PKHD1L1: variants seen among roughly 807,000 people sequenced by gnomAD.
PKHD1L1 encodes the protein fibrocystin-L.
PKHD1L1 carries 434 observed loss-of-function variants against 462.9 expected under a neutral mutation model. That is an observed-to-expected ratio of 0.94 (90% CI 0.87 to 1.02). The LOEUF (loss-of-function observed/expected upper bound fraction) is 1.02. PKHD1L1 is among the 50% of genes least tolerant of loss of function. The probability of loss-of-function intolerance (pLI) is 0.00; values close to 1 mark genes in which losing one functional copy is unlikely to be tolerated. For missense variants in PKHD1L1, 5,202 were observed against 5,096.1 expected, an observed-to-expected ratio of 1.02 and a Z score of -0.63; for synonymous variants, 1,781 against 1,750.0, an observed-to-expected ratio of 1.02 and a Z score of -0.44.
chr8:109,412,267 A>G lies in PKHD1L1; in HGVS notation c.2088A>G (p.Glu696=). The G allele has an allele frequency of 6.2e-7, 1 of 1,612,658 alleles. No individual in the cohort carries two copies. The highest frequency in any genetic ancestry group is 8.5e-7 in the Non-Finnish European group (1 of 1,179,380). ...TTGAAATATTATTGTTTCGGTAGGA[A>G]CATATTAACAGAGGGCAGAAGACAG... ...FRDYETDFNL[E]HINRGQKTAE... Residue 696 remains glutamate, a splice_region_variant and synonymous_variant, in exon 20 of 78, where the codon GAA becomes GAG. Transcript: ENST00000378402.
chr8:109,417,772 G>A (rs143081120), intron 21 of PKHD1L1, among the ~76,000 whole-genome samples: 2,043 of 152,168 alleles, frequency 0.013, 41 homozygotes, highest in African/African-American at 0.039. Context: ...GGCTGGTCTC[G>A]AGCTCCTGAC....
rs1281815205 is a variant in PKHD1L1 at position 109,522,889 on chromosome 8, A to T, written c.12329A>T (p.Asp4110Val). The T allele has an allele frequency of 6.3e-7, 1 of 1,596,526 alleles. No homozygotes were observed. Among genetic ancestry groups the T allele is most frequent in the African/African-American group, 1.3e-5 (1 of 74,300 alleles). The change falls in exon 75 of 78, where the codon GAC (aspartate) becomes GTC (valine). Residue 4110 changes from aspartate to valine, a missense_variant and splice_region_variant. Physicochemically the swap from Asp to Val is radical, Grantham distance 152 (BLOSUM62 -3). Coordinates refer to ENST00000378402, the MANE Select transcript of PKHD1L1 (RefSeq NM_177531.6). ...QQPSVKATDS[D>V]GNCVSVGITA... Reference sequence around the variant, plus strand: ...CCTTCGGTAAAGGCAACAGATTCTGACGTAAGTCATAACTCAAAATTTTAC... The same window carrying T: ...CCTTCGGTAAAGGCAACAGATTCTGTCGTAAGTCATAACTCAAAATTTTAC...
In PKHD1L1 at chr8:109,362,663, T is replaced by A. The variant is rs1442580485; in HGVS notation, c.73+10T>A. The A allele has an allele frequency of 6.3e-7, 1 of 1,593,628 alleles. No homozygotes were observed. On this transcript the variant is annotated intron_variant, in intron 1 of 77. Coordinates refer to ENST00000378402, the MANE Select transcript of PKHD1L1 (RefSeq NM_177531.6). ...GCGGATCCCAGCACAGGTAACCCTT[T>A]GGGCACGCTAGGCAGGCAAGCAGGA... is the stretch of plus-strand genomic sequence containing the variant.
chr8:109,429,519 T>G, intron 26 of PKHD1L1, 57 bp downstream of exon 26: 1 of 1,501,196 alleles, frequency 6.7e-7, no homozygotes. Context: ...ATAACTAGTT[T>G]GTAATATGTT....
chr8:109,411,883 G>A (rs1813874984), intron 19 of PKHD1L1, among the ~76,000 whole-genome samples: 1 of 152,070 alleles, frequency 6.6e-6, no homozygotes, highest in Non-Finnish European at 1.5e-5. Context: ...TAGACGGGTG[G>A]CCTCTATCTA....
intron 11 of PKHD1L1, among the ~76,000 whole-genome samples, chr8:109,397,751 T>C (rs552619657): frequency 1.3e-5 from 2 of 152,240 alleles, no homozygotes; most frequent in South Asian, 4.2e-4. Flanking sequence ...TTCCAGGCTA[T>C]CAAACAAAAC....
At chr8:109,451,857 A>AC (rs1314789748) in intron 41 of PKHD1L1, among the ~76,000 whole-genome samples, 2 of 152,206 alleles carry the variant, frequency 1.3e-5, no homozygotes, top group African/African-American at 4.8e-5. Flanking sequence ...GAATCACTGA[A>AC]CAACAACAAT....
At chr8:109,444,145 T>G (rs1183052641) in intron 37 of PKHD1L1, among the ~76,000 whole-genome samples, 1 of 151,498 alleles carries the variant, frequency 6.6e-6, no homozygotes, top group Non-Finnish European at 1.5e-5. Flanking sequence ...CTAAAGCCCT[T>G]AGATATCACA....
rs972556460 is a variant in PKHD1L1 at position 109,517,728 on chromosome 8, G to A, written c.11690-439G>A. ...TTAGTTAAAATAGAAACACTGAATT[G>A]TAAATGCTCTTTTAAGAGTTGGCAT... On this transcript the variant is annotated intron_variant, in intron 72 of 77. Transcript: ENST00000378402. Among the ~76,000 whole-genome samples, 41 of 152,234 alleles carry A rather than the reference G, an allele frequency of 2.7e-4. 1 individual carries two copies. The highest frequency in any genetic ancestry group is 9.9e-4 in the African/African-American group (41 of 41,562).
rs753713166 is a variant in PKHD1L1 at position 109,444,884 on chromosome 8, C to T, written c.5015C>T (p.Thr1672Ile). ...GTGTTGCCAAATGCAGGATCAACTA[C>T]AGGAATGACAAGCGTGACCATAAAA... ...DLVLPNAGST[T>I]GMTSVTIKGS... Residue 1672 changes from threonine to isoleucine, a missense_variant, in exon 38 of 78, where the codon ACA becomes ATA. Physicochemically the swap from Thr to Ile is moderately conservative, Grantham distance 89 (BLOSUM62 -1). Around this residue, in one of 3 missense-constraint regions of PKHD1L1, gnomAD observed 4,497 missense variants for 4,336.8 expected, o/e 1.04. Coordinates refer to ENST00000378402, the MANE Select transcript of PKHD1L1 (RefSeq NM_177531.6). 4 of 1,613,894 alleles carry T rather than the reference C, an allele frequency of 2.5e-6. No homozygotes were observed. The highest frequency in any genetic ancestry group is 2.2e-5 in the East Asian group (1 of 44,890).
chr8:109,429,379 A>G lies in PKHD1L1; in HGVS notation c.3040A>G (p.Thr1014Ala), dbSNP rs749522658. ...SNIIGEKANM[T>A]VTRIKEGGLF... is the part of the protein sequence containing the mutation. Reference sequence around the variant, plus strand: ...CATTATTGGAGAAAAGGCTAATATGACAGTTACAAGGATAAAGGAAGGTGG... The same window carrying G: ...CATTATTGGAGAAAAGGCTAATATGGCAGTTACAAGGATAAAGGAAGGTGG... Residue 1014 changes from threonine (T) to alanine (A), a missense_variant, in exon 26 of 78, where the codon ACA (threonine) becomes GCA (alanine). This residue lies in a region of PKHD1L1 where 4,497 missense variants were observed against 4,336.8 expected (regional missense o/e 1.04). Transcript: ENST00000378402. 4 of 1,561,920 alleles carry G rather than the reference A, an allele frequency of 2.6e-6. No homozygotes were observed. The East Asian group carries it at 6.8e-5, about 27-fold the overall frequency.
At chr8:109,498,963 A>T (rs1477561261) in intron 67 of PKHD1L1, 192 bp downstream of exon 67, 1 of 546,466 alleles carries the variant, frequency 1.8e-6, no homozygotes, top group Non-Finnish European at 3.2e-6. Context: ...CTTATACTGT[A>T]TGTTGAAGAA....
chr8:109,441,985 A>G (rs1815818136), intron 34 of PKHD1L1, 22 bp from the exon 35 acceptor site: 3 of 1,518,458 alleles, frequency 2.0e-6, no homozygotes, highest in Non-Finnish European at 1.8e-6. Flanking sequence ...CTTTTAAAAT[A>G]TTACTCAATT....
In PKHD1L1 at chr8:109,429,803, C is replaced by CA. The variant is rs144384124; in HGVS notation, c.3124-123dup. The CA allele has an allele frequency of 2.8e-3, 1,954 of 706,000 alleles. 25 individuals are homozygous for CA. In the African/African-American group the frequency reaches 0.032, roughly 11 times the overall value. The allele number at this position is 706,000 out of a possible 1,614,324, so 43.7% of individuals were successfully genotyped here. Reference sequence around the variant, plus strand: ...CAAAAATGAATGAAATATCAAAGTACAAAAAATATAGACTAATTTCAGTAA... The same window carrying CA: ...CAAAAATGAATGAAATATCAAAGTACAAAAAAATATAGACTAATTTCAGTAA... On this transcript the variant is annotated intron_variant, in intron 26 of 77. Transcript: ENST00000378402.
At chr8:109,486,528 C>T (rs1467105185) in intron 58 of PKHD1L1, 120 bp from the exon 59 acceptor site, 1 of 747,178 alleles carries the variant, frequency 1.3e-6, no homozygotes, top group Non-Finnish European at 2.1e-6. Context: ...TAAATGTAAT[C>T]ATGCATTCAT....
rs755557689 is a variant in PKHD1L1 at position 109,400,158 on chromosome 8, G to C, written c.1095G>C (p.Thr365=). ...AGATACTGGAATACAATGAAAAAAC[G>C]CCTGGGTACATGGGTGCCAGTTGGG... is the stretch of plus-strand genomic sequence containing the variant. ...LEEILEYNEK[T]PGYMGASWVD... is the part of the protein sequence containing the mutation. The change falls in exon 13 of 78, where the codon ACG becomes ACC. Residue 365 remains threonine (T), a synonymous_variant. Transcript: ENST00000378402. 5 of 1,613,632 alleles carry C rather than the reference G, an allele frequency of 3.1e-6. No individual in the cohort carries two copies. Among genetic ancestry groups the C allele is most frequent in the Non-Finnish European group, 4.2e-6 (5 of 1,179,678 alleles).
chr8:109,411,547 C>T (rs752232634), intron 19 of PKHD1L1, among the ~76,000 whole-genome samples: 1 of 151,802 alleles, frequency 6.6e-6, no homozygotes, highest in Non-Finnish European at 1.5e-5. Context: ...TGTAATTTAC[C>T]TCCTACTCCT....
At chr8:109,496,635 G>A (rs1013629775) in intron 63 of PKHD1L1, among the ~76,000 whole-genome samples, 1 of 152,196 alleles carries the variant, frequency 6.6e-6, no homozygotes, top group African/African-American at 2.4e-5. Context: ...GGGCATGCCT[G>A]TAGTCCCAGC....
intron 21 of PKHD1L1, among the ~76,000 whole-genome samples, chr8:109,415,924 C>T (rs1025053775): frequency 4.3e-5 from 6 of 140,798 alleles, no homozygotes; most frequent in East Asian, 2.2e-4. Context: ...CATAGTCTTC[C>T]GTTTTTAATA....
Sources: allele counts gnomAD v4.1 joint callset (sites outside exome capture counted in the v4.1 genomes callset), GRCh38; gene constraint gnomAD v4.1.1; regional missense constraint gnomAD v4.1.1; transcripts MANE v1.5; gene names NCBI Gene and HGNC (gene_info 2026-07-23, HGNC 2026-07-21).